Variants in PAK4 observed in about 807,000 individuals in gnomAD.
PAK4 encodes serine/threonine-protein kinase PAK 4.
A neutral mutation model predicts 53.5 loss-of-function variants in PAK4; 49 were observed. That is an observed-to-expected ratio of 0.92 (90% CI 0.73 to 1.16). PAK4 has a LOEUF of 1.16. Ranked by LOEUF, PAK4 falls within the 50% of genes most tolerant of loss-of-function variation. PAK4 has a pLI of 0.00. For synonymous variants in PAK4, 376 were observed against 375.6 expected, an observed-to-expected ratio of 1.00 and a Z score of -0.01; for missense variants, 824 against 850.7, an observed-to-expected ratio of 0.97 and a Z score of 0.39.
chr19:39,155,085 TCTGTCTG>T (rs919237932), intron 1 of PAK4, among the ~76,000 whole-genome samples: 2 of 152,140 alleles, frequency 1.3e-5, no homozygotes, highest in Admixed American at 6.5e-5. Context: ...CCCAGGTGCG[TCTGTCTG>T]CTGTGTGCCG....
intron 1 of PAK4, among the ~76,000 whole-genome samples, chr19:39,146,869 AAGGGAGAGAGGGAGGG>A: frequency 6.7e-6 from 1 of 149,734 alleles, no homozygotes; most frequent in Admixed American, 6.7e-5. Flanking sequence ...GAGAGGGAGA[AAGGGAGAGAGGGAGGG>A]AGGGAGAGGG....
intron 1 of PAK4, among the ~76,000 whole-genome samples, chr19:39,141,721 G>A (rs1158515589): frequency 5.9e-5 from 9 of 151,522 alleles, no homozygotes; most frequent in Admixed American, 5.3e-4. Context: ...TGCAACCTCC[G>A]CCTCCCAGGT....
intron 1 of PAK4, among the ~76,000 whole-genome samples, chr19:39,128,271 T>C (rs1457929067): frequency 1.3e-5 from 2 of 152,076 alleles, no homozygotes; most frequent in Non-Finnish European, 2.9e-5. Flanking sequence ...TTAGTCTTGC[T>C]GCTGCTGCTG....
intron 6 of PAK4, among the ~76,000 whole-genome samples, chr19:39,176,116 T>C (rs2074599158): frequency 6.6e-6 from 1 of 152,144 alleles, no homozygotes; most frequent in South Asian, 2.1e-4. Flanking sequence ...TCCTCAAAAA[T>C]CGGAAAGGGA....
At chr19:39,126,581 C>T (rs531016104) in intron 1 of PAK4, among the ~76,000 whole-genome samples, 5 of 151,880 alleles carry the variant, frequency 3.3e-5, no homozygotes, top group African/African-American at 1.2e-4. Context: ...CTTGTATGAG[C>T]TTATTCAGTC....
At chr19:39,135,713 C>T (rs371255512) in intron 1 of PAK4, among the ~76,000 whole-genome samples, 15 of 152,108 alleles carry the variant, frequency 9.9e-5, no homozygotes, top group South Asian at 2.1e-4. Flanking sequence ...CAGCCCTCCC[C>T]GAGCTCAGTC....
Position 39,155,724 on chromosome 19 carries a change from C to T in PAK4, c.-22-13808C>T, listed in dbSNP as rs537836960. 1.1e-4 allele frequency among the ~76,000 whole-genome samples: 16 copies of T among 152,268 alleles called. No individual in the cohort carries two copies. The East Asian group carries it at 2.9e-3, about 28-fold the overall frequency. On this transcript the variant is annotated intron_variant, in intron 1 of 8. Transcript: ENST00000358301. ...TGGAGCAGCTGGTTAAGGGCACAGA[C>T]ACCGGGACAGACATCCAGCCTGGGA...
chr19:39,151,369 G>T (rs1222100163), intron 1 of PAK4, among the ~76,000 whole-genome samples: 1 of 152,252 alleles, frequency 6.6e-6, no homozygotes. Context: ...CACGCCCCGT[G>T]CTGCAAGGCC....
chr19:39,130,039 A>T (rs2073670673), intron 1 of PAK4, among the ~76,000 whole-genome samples: 1 of 127,618 alleles, frequency 7.8e-6, no homozygotes, highest in African/African-American at 2.6e-5. Flanking sequence ...GTGACAGCCC[A>T]GAGAGGCCAG....
At chr19:39,176,616 C>T (rs773512526) in exon 7 of PAK4, 12 of 1,613,696 alleles carry the variant, frequency 7.4e-6, no homozygotes, top group Admixed American at 5.0e-5. Context: ...TTGGGTTCTG[C>T]GCCCAGGTGA....
At chr19:39,127,323 C>G (rs982495851) in intron 1 of PAK4, among the ~76,000 whole-genome samples, 4 of 152,208 alleles carry the variant, frequency 2.6e-5, no homozygotes, top group Admixed American at 1.3e-4. Context: ...ATGCCTCCCG[C>G]CCGGTCTTTG....
In PAK4 at chr19:39,169,225, C is replaced by T. The variant is rs140375523; in HGVS notation, c.-22-307C>T. On this transcript the variant is annotated intron_variant, in intron 1 of 8. Transcript: ENST00000358301. ...TGAGCTCCTGGCAGAGGGGCCAGCCCGTGCAAAGGCTCTGAGGTCTCCAGG... is the reference window on the plus strand; with the variant it reads ...TGAGCTCCTGGCAGAGGGGCCAGCCTGTGCAAAGGCTCTGAGGTCTCCAGG... 7.8e-4 allele frequency among the ~76,000 whole-genome samples: 118 copies of T among 150,604 alleles called. 1 individual carries two copies. The highest frequency in any genetic ancestry group is 2.4e-3 in the African/African-American group (100 of 40,886).
chr19:39,155,670 G>A (rs1270940767), intron 1 of PAK4, among the ~76,000 whole-genome samples: 5 of 152,140 alleles, frequency 3.3e-5, no homozygotes, highest in Non-Finnish European at 7.4e-5. Flanking sequence ...GTTCCTGAAC[G>A]GGGGTTCTGA....
At chr19:39,136,867 TG>T (rs1348255623) in intron 1 of PAK4, among the ~76,000 whole-genome samples, 1 of 152,164 alleles carries the variant, frequency 6.6e-6, no homozygotes, top group Non-Finnish European at 1.5e-5. Context: ...GAGGAGGAAA[TG>T]CCACTTGAAG....
chr19:39,162,303 G>T (rs915302951), intron 1 of PAK4, among the ~76,000 whole-genome samples: 3 of 150,430 alleles, frequency 2.0e-5, no homozygotes, highest in Non-Finnish European at 4.4e-5. Context: ...CTGTCACCTA[G>T]GCTGGAGTGC....
At chr19:39,157,721 C>T (rs1465885073) in intron 1 of PAK4, among the ~76,000 whole-genome samples, 4 of 152,234 alleles carry the variant, frequency 2.6e-5, no homozygotes, top group Admixed American at 6.5e-5. Context: ...CTGTACGGGC[C>T]GCCGCGAGGT....
chr19:39,130,185 A>G (rs1376818162), intron 1 of PAK4, among the ~76,000 whole-genome samples: 1 of 112,068 alleles, frequency 8.9e-6, no homozygotes, highest in African/African-American at 3.5e-5. Flanking sequence ...CAGATGGGTC[A>G]TGGCGGGATG....
chr19:39,126,007 CG>C (rs1380360199), intron 1 of PAK4, 88 bp downstream of exon 1: 2 of 152,634 alleles, frequency 1.3e-5, no homozygotes, highest in Non-Finnish European at 2.9e-5. Flanking sequence ...GCGGGGCCGC[CG>C]GGGTCAAAGG....
At chr19:39,165,195 GATAATA>G (rs71169565) in intron 1 of PAK4, among the ~76,000 whole-genome samples, 1 of 128,434 alleles carries the variant, frequency 7.8e-6, no homozygotes, top group Admixed American at 8.1e-5. Context: ...TGATGATGAT[GATAATA>G]ATAATAATAA....
Sources: allele counts gnomAD v4.1 joint callset (sites outside exome capture counted in the v4.1 genomes callset), GRCh38; gene constraint gnomAD v4.1.1; transcripts MANE v1.5; gene names NCBI Gene and HGNC (gene_info 2026-07-23, HGNC 2026-07-21).